Variants in C11orf65 observed in about 807,000 individuals in gnomAD.
C11orf65 encodes protein MFI.
A neutral mutation model predicts 35.3 loss-of-function variants in C11orf65; 38 were observed. The observed-to-expected ratio is 1.08, with a 90% confidence interval of 0.83 to 1.41. C11orf65 has a LOEUF of 1.41. Ranked by LOEUF, C11orf65 falls within the 40% of genes most tolerant of loss-of-function variation. C11orf65 has a pLI of 0.00. For synonymous variants in C11orf65, 105 were observed against 114.4 expected (o/e 0.92, Z 0.53); for missense variants, 370 against 367.1 (o/e 1.01, Z -0.06).
At chr11:108,408,322 C>T (rs1208003667) in intron 3 of C11orf65, among the ~76,000 whole-genome samples, 1 of 151,990 alleles carries the variant, frequency 6.6e-6, no homozygotes, top group Non-Finnish European at 1.5e-5. Flanking sequence ...ACTGATCAAC[C>T]TAAATTCAAC....
At position 108,326,036 on chromosome 11, in the gene C11orf65, C is replaced by A. The variant is rs3218700; in HGVS notation, c.641-16965G>T. ...GTATCAGTAGTAAAAGTATTTATTC[C>A]CATATGTCATTTTCATTTCAGCTCC... On this transcript the variant is annotated intron_variant, in intron 6 of 6. Coordinates refer to the C11orf65 transcript ENST00000525729. 2.6e-4 allele frequency: 422 copies of A among 1,611,760 alleles called. 6 individuals are homozygous for A. Among genetic ancestry groups the A allele is most frequent in the Middle Eastern group, 2.5e-3 (15 of 6,056 alleles).
chr11:108,382,857 C>A lies in C11orf65; in HGVS notation c.*164G>T. ...CTATATTTGCCATGATCATTGTATT[C>A]AGTCCAGTGTTCTATTTCTGCTCAA... On this transcript the variant is annotated 3_prime_UTR_variant, in exon 9 of 9. Coordinates refer to ENST00000393084, the MANE Select transcript of C11orf65 (RefSeq NM_152587.5). The A allele has an allele frequency of 6.9e-7, 1 of 1,444,104 alleles. No homozygotes were observed. Among genetic ancestry groups the A allele is most frequent in the South Asian group, 1.4e-5 (1 of 69,582 alleles). 89.5% of individuals were successfully genotyped at this position (1,444,104 alleles called of 1,614,324 possible).
At chr11:108,417,571 A>AC (rs2092755979) in intron 3 of C11orf65, among the ~76,000 whole-genome samples, 3 of 151,946 alleles carry the variant, frequency 2.0e-5, no homozygotes, top group African/African-American at 7.3e-5. Flanking sequence ...AAACAAACAA[A>AC]AAAAAACCTG....
intron 3 of C11orf65, among the ~76,000 whole-genome samples, chr11:108,410,000 T>C (rs2092626070): frequency 1.3e-5 from 2 of 152,176 alleles, no homozygotes; most frequent in African/African-American, 4.8e-5. Flanking sequence ...TGGTAAGTTA[T>C]GTTTGGCAGG....
intron 2 of C11orf65, among the ~76,000 whole-genome samples, chr11:108,352,822 A>C (rs890921189): frequency 2.0e-5 from 3 of 152,238 alleles, no homozygotes; most frequent in Non-Finnish European, 4.4e-5. Flanking sequence ...AAGGTTACAT[A>C]CTGTATGATT....
downstream of C11orf65, chr11:108,331,316 A>C: frequency 8.2e-6 from 12 of 1,458,722 alleles, no homozygotes; most frequent in Non-Finnish European, 1.1e-5. Flanking sequence ...AAAACAATAT[A>C]GTTAGTGAAG....
intron 3 of C11orf65, among the ~76,000 whole-genome samples, chr11:108,422,881 C>CAAA (rs769411381): frequency 3.3e-5 from 3 of 92,198 alleles, no homozygotes; most frequent in Non-Finnish European, 4.5e-5. Flanking sequence ...GACTCTGTCT[C>CAAA]AAAAAAAAAA....
intron 2 of C11orf65, chr11:108,343,463 CT>C: frequency 6.7e-7 from 1 of 1,482,682 alleles, no homozygotes; most frequent in South Asian, 1.2e-5. Flanking sequence ...TACAAAAAAA[CT>C]TTAATTTCAT....
chr11:108,449,161 C>T lies in C11orf65; in HGVS notation c.81+12318G>A, dbSNP rs184011047. Among the ~76,000 whole-genome samples the T allele has an allele frequency of 5.9e-5, 9 of 152,234 alleles. No individual in the cohort carries two copies. The East Asian group carries it at 1.7e-3, about 29-fold the overall frequency. On this transcript the variant is annotated intron_variant, in intron 2 of 8. Coordinates refer to ENST00000393084, the MANE Select transcript of C11orf65 (RefSeq NM_152587.5). The stretch of plus-strand genomic sequence containing the variant: ...GATACAAACAAATGGAAGAACATTC[C>T]ATGCTCATGGGTAGGAAGAATCAAT...
intron 3 of C11orf65, among the ~76,000 whole-genome samples, chr11:108,412,092 A>C (rs1195300804): frequency 6.6e-6 from 1 of 151,908 alleles, no homozygotes; most frequent in South Asian, 2.1e-4. Flanking sequence ...CTTTTAATTA[A>C]AGTTTGCATG....
At chr11:108,332,729 C>G (rs762757009) in intron 3 of C11orf65, 5 of 1,601,684 alleles carry the variant, frequency 3.1e-6, no homozygotes, top group Non-Finnish European at 4.3e-6. Context: ...TTGGGTAGTT[C>G]CTTATGTAAT....
At chr11:108,357,536 A>G (rs1221491579) in intron 2 of C11orf65, among the ~76,000 whole-genome samples, 1 of 152,086 alleles carries the variant, frequency 6.6e-6, no homozygotes, top group Non-Finnish European at 1.5e-5. Flanking sequence ...TGCAGACTTA[A>G]ATGTCCCTGT....
At chr11:108,421,530 C>A (rs1019988905) in intron 3 of C11orf65, among the ~76,000 whole-genome samples, 2 of 151,980 alleles carry the variant, frequency 1.3e-5, no homozygotes, top group African/African-American at 4.8e-5. Context: ...TTGGTGGTGG[C>A]GCCTGTAATC....
intron 2 of C11orf65, chr11:108,355,056 A>G: frequency 1.6e-6 from 1 of 608,962 alleles, no homozygotes; most frequent in Admixed American, 2.8e-5. Context: ...CTGGTTTAGA[A>G]ATGCCTTCAG....
At chr11:108,450,975 T>G (rs1409277131) in intron 2 of C11orf65, among the ~76,000 whole-genome samples, 1 of 151,806 alleles carries the variant, frequency 6.6e-6, no homozygotes, top group Non-Finnish European at 1.5e-5. Context: ...TGCTAAAAAC[T>G]CTCAATAAAC....
rs1338241872 is a variant in C11orf65, at chr11:108,437,735, A to G, written c.82-5897T>C. ...AAAAAAAAAAAAAAAAAAAAAAAAA[A>G]AAAGGATAAGGAAATTAAACGGAAA... is the stretch of plus-strand genomic sequence containing the variant. On this transcript the variant is annotated intron_variant, in intron 2 of 8. Coordinates refer to ENST00000393084, the MANE Select transcript of C11orf65 (RefSeq NM_152587.5). Among the ~76,000 whole-genome samples, 226 of 148,382 alleles carry G rather than the reference A, an allele frequency of 1.5e-3. 2 individuals carry two copies. The highest frequency in any genetic ancestry group is 5.3e-3 in the African/African-American group (215 of 40,630).
intron 7 of C11orf65, among the ~76,000 whole-genome samples, chr11:108,387,508 G>T (rs191691679): frequency 3.3e-5 from 5 of 152,088 alleles, no homozygotes; most frequent in Admixed American, 3.3e-4. Context: ...CAGTAGGAGG[G>T]TATATACTTC....
At chr11:108,464,639 C>T (rs898869459) in intron 1 of C11orf65, among the ~76,000 whole-genome samples, 4 of 152,218 alleles carry the variant, frequency 2.6e-5, no homozygotes, top group Non-Finnish European at 5.9e-5. Flanking sequence ...GGATTACAGG[C>T]ATGAGCCACT....
At chr11:108,383,231 C>T in intron 8 of C11orf65, 56 bp from the exon 9 acceptor site, 1 of 1,356,982 alleles carries the variant, frequency 7.4e-7, no homozygotes, top group Non-Finnish European at 1.0e-6. Context: ...GATGCTCACT[C>T]AAAATGCTAC....
Sources: allele counts gnomAD v4.1 joint callset (sites outside exome capture counted in the v4.1 genomes callset), GRCh38; gene constraint gnomAD v4.1.1; transcripts MANE v1.5; gene names NCBI Gene and HGNC (gene_info 2026-07-23, HGNC 2026-07-21).